Variants in CWH43 observed in about 807,000 individuals in gnomAD.
CWH43 encodes cell wall biogenesis 43 C-terminal homolog.
CWH43 carries 91 observed loss-of-function variants against 85.7 expected under a neutral mutation model. That is an observed-to-expected ratio of 1.06 (90% CI 0.90 to 1.26). The LOEUF is 1.26. Among genes scored for constraint, CWH43 ranks in the 50% most tolerant of loss-of-function variants. The pLI is 0.00. For synonymous variants in CWH43, 323 were observed against 293.6 expected (o/e 1.10, Z -1.02); for missense variants, 869 against 839.2 (o/e 1.04, Z -0.44).
chr4:49,008,704 T>A (rs1280981778), intron 8 of CWH43, among the ~76,000 whole-genome samples: 1 of 152,208 alleles, frequency 6.6e-6, no homozygotes, highest in Admixed American at 6.5e-5. Context: ...GCTAGCCAGT[T>A]TTCCCAGCAC....
At chr4:48,996,298 T>TACACACAC (rs36210509) in intron 5 of CWH43, among the ~76,000 whole-genome samples, 14 of 149,886 alleles carry the variant, frequency 9.3e-5, no homozygotes, top group African/African-American at 3.0e-4. Flanking sequence ...TATATATGTG[T>TACACACAC]ACACACACAC....
chr4:49,032,781 A>G lies in CWH43; in HGVS notation c.1658+66A>G. On this transcript the variant is annotated intron_variant, in intron 12 of 15. Coordinates refer to ENST00000226432, the MANE Select transcript of CWH43 (RefSeq NM_025087.3). ...GAAATGTTATTAACAATGTACTTTG[A>G]TTTCTATGAAATCACCTTTCTCATT... 3.2e-6 allele frequency: 5 copies of G among 1,554,650 alleles called. No homozygotes were observed. The South Asian group carries it at 4.5e-5, about 14-fold the overall frequency.
At chr4:49,051,585 AT>A (rs1007756725) in intron 15 of CWH43, among the ~76,000 whole-genome samples, 3 of 151,630 alleles carry the variant, frequency 2.0e-5, no homozygotes, top group African/African-American at 2.4e-5. Flanking sequence ...GTGAAATACA[AT>A]TTTTTTTTGA....
intron 6 of CWH43, among the ~76,000 whole-genome samples, chr4:49,001,537 T>C (rs1782989295): frequency 6.6e-6 from 1 of 152,100 alleles, no homozygotes; most frequent in African/African-American, 2.4e-5. Context: ...ATGTGTAGGG[T>C]ATCTCTGGAA....
intron 11 of CWH43, 130 bp from the exon 12 acceptor site, chr4:49,032,436 A>G (rs1784126077): frequency 1.0e-6 from 1 of 970,304 alleles, no homozygotes; most frequent in Non-Finnish European, 1.6e-6. Context: ...TCTCTGCCGC[A>G]TTGCTTTGAA....
At chr4:48,987,112 A>T (rs570456233) in intron 1 of CWH43, among the ~76,000 whole-genome samples, 11 of 152,032 alleles carry the variant, frequency 7.2e-5, no homozygotes, top group African/African-American at 2.4e-4. Context: ...AACATTTGGG[A>T]TATTGCTAGA....
intron 6 of CWH43, among the ~76,000 whole-genome samples, chr4:49,003,393 T>C (rs1560489548): frequency 6.6e-6 from 1 of 152,154 alleles, no homozygotes. Flanking sequence ...AAATGTAATA[T>C]TTTTGGACAT....
At chr4:49,031,009 G>C (rs775503486) in intron 11 of CWH43, 49 bp downstream of exon 11, 9 of 1,500,260 alleles carry the variant, frequency 6.0e-6, no homozygotes, top group Non-Finnish European at 8.0e-6. Context: ...GAAAGGCTAG[G>C]CTGCATAGGC....
intron 5 of CWH43, 133 bp from the exon 6 acceptor site, chr4:48,998,327 A>C: frequency 1.5e-6 from 1 of 654,228 alleles, no homozygotes; most frequent in East Asian, 2.7e-5. Flanking sequence ...GTGGGCTCTC[A>C]TGATCTCACT....
intron 14 of CWH43, among the ~76,000 whole-genome samples, chr4:49,048,342 GTA>G (rs933840846): frequency 6.7e-6 from 1 of 148,722 alleles, no homozygotes; most frequent in African/African-American, 2.5e-5. Context: ...CACTCTGTGT[GTA>G]TATATATATA....
In CWH43 at chr4:48,994,815, A is replaced by G. The variant is rs745461380; in HGVS notation, c.708A>G (p.Pro236=). 1 of 1,613,586 alleles carries G rather than the reference A, an allele frequency of 6.2e-7. No homozygotes were observed. Among genetic ancestry groups the G allele is most frequent in the African/African-American group, 1.3e-5 (1 of 74,888 alleles). The change falls in exon 5 of 16, where the codon CCA becomes CCG. Residue 236 remains proline (P), a synonymous_variant. Transcript: ENST00000226432. ...GHPHPGPDPN[P]FGGAVLLCLA... is the part of the protein sequence containing the mutation. ...CACATCCAGGGCCAGATCCTAACCC[A>G]TTTGGGTGAGTTTGGGTTTGGAAGC...
At chr4:49,041,819 G>A (rs1371239730) in intron 13 of CWH43, among the ~76,000 whole-genome samples, 1 of 152,156 alleles carries the variant, frequency 6.6e-6, no homozygotes, top group Non-Finnish European at 1.5e-5. Flanking sequence ...AAGAGCATAT[G>A]CCAGTTCCTC....
At chr4:48,994,103 C>T (rs1187392700) in intron 4 of CWH43, among the ~76,000 whole-genome samples, 1 of 152,064 alleles carries the variant, frequency 6.6e-6, no homozygotes, top group South Asian at 2.1e-4. Context: ...GTAGAGCCTA[C>T]CTCATAAAGT....
intron 8 of CWH43, among the ~76,000 whole-genome samples, chr4:49,012,861 A>C (rs1783409722): frequency 6.6e-6 from 1 of 152,174 alleles, no homozygotes; most frequent in African/African-American, 2.4e-5. Flanking sequence ...TTCATCTGGA[A>C]GCTTTGTCCT....
intron 6 of CWH43, among the ~76,000 whole-genome samples, chr4:49,002,930 G>T (rs946926248): frequency 5.3e-5 from 8 of 152,246 alleles, no homozygotes; most frequent in African/African-American, 1.9e-4. Context: ...CCCTTGAAGG[G>T]TGGGTCCCAA....
intron 7 of CWH43, among the ~76,000 whole-genome samples, chr4:49,005,759 T>A (rs1240771690): frequency 1.3e-5 from 2 of 151,912 alleles, no homozygotes; most frequent in African/African-American, 2.4e-5. Context: ...CAGGCTGGCG[T>A]CGAACTCCTG....
At chr4:49,049,983 G>A (rs766000616) in intron 14 of CWH43, among the ~76,000 whole-genome samples, 2 of 152,106 alleles carry the variant, frequency 1.3e-5, no homozygotes, top group African/African-American at 2.4e-5. Flanking sequence ...TTTTATTCAC[G>A]ACTTATTCCC....
intron 15 of CWH43, among the ~76,000 whole-genome samples, chr4:49,059,916 G>A (rs922719589): frequency 6.6e-5 from 10 of 152,160 alleles, no homozygotes; most frequent in African/African-American, 2.4e-4. Context: ...CCTGGTGCCT[G>A]GATCCATTGG....
chr4:48,986,590 C>T, intron 1 of CWH43, 118 bp downstream of exon 1: 1 of 1,515,362 alleles, frequency 6.6e-7, no homozygotes, highest in South Asian at 1.2e-5. Context: ...CGCTCCGTGC[C>T]CAGAGTGGAG....
Sources: gnomAD v4.1 joint callset for allele counts (sites outside exome capture counted in the v4.1 genomes callset) on GRCh38, gnomAD v4.1.1 for gene constraint, MANE v1.5 for transcripts, NCBI Gene and HGNC (gene_info 2026-07-23, HGNC 2026-07-21) for gene names.